Variants in ZNF678 observed in about 807,000 individuals in gnomAD.
ZNF678 encodes the protein hypothetical protein MGC42493.
A neutral mutation model predicts 3.0 loss-of-function variants in ZNF678; 5 were observed. The ratio of observed to expected loss-of-function variants is 1.69; its 90% CI spans 0.88 to 3.56. ZNF678 has a LOEUF of 3.56. Ranked by LOEUF, ZNF678 falls within the 30% of genes most tolerant of loss-of-function variation. ZNF678 has a pLI of 0.00. For synonymous variants in ZNF678, 218 were observed against 199.6 expected (o/e 1.09, Z -0.78); for missense variants, 593 against 605.0 (o/e 0.98, Z 0.21).
At position 227,658,473 on chromosome 1, in the gene ZNF678, G is replaced by A. The variant is rs1236926635; in HGVS notation, c.*2645G>A. On this transcript the variant is annotated 3_prime_UTR_variant, in exon 4 of 4. Coordinates refer to ENST00000343776, the MANE Select transcript of ZNF678 (RefSeq NM_001367909.1). ...ACATGTATACCCAGGCTGTACAACT[G>A]CCTCTGAAATTAAGAGGAATTGTGT... The A allele has an allele frequency of 2.0e-5, 3 of 152,004 alleles. No individual in the cohort carries two copies. The East Asian group carries it at 5.8e-4, about 29-fold the overall frequency. The allele number at this position is 152,004 out of a possible 1,614,324, so 9.4% of individuals were successfully genotyped here. A position where few individuals can be genotyped will look rare whatever the true frequency, so the allele number is the denominator to read the frequency against.
chr1:227,563,831 T>C (rs1656596653), intron 1 of ZNF678, 107 bp downstream of exon 1: 3 of 1,098,388 alleles, frequency 2.7e-6, no homozygotes, highest in Non-Finnish European at 3.7e-6. Context: ...ATCTGTCACC[T>C]CTGGGTAGGG....
intron 1 of ZNF678, among the ~76,000 whole-genome samples, chr1:227,597,472 C>T (rs551404747): frequency 3.3e-5 from 5 of 152,162 alleles, no homozygotes; most frequent in South Asian, 4.1e-4. Context: ...ATAAAACATG[C>T]GTTTTAGAAT....
At position 227,650,941 on chromosome 1, in the gene ZNF678, A is replaced by G; in HGVS notation, c.-36-15A>G. 1 of 1,535,804 alleles carries G rather than the reference A, an allele frequency of 6.5e-7. No individual in the cohort carries two copies. The highest frequency in any genetic ancestry group is 8.8e-7 in the Non-Finnish European group (1 of 1,138,508). On this transcript the variant is annotated splice_polypyrimidine_tract_variant and intron_variant, in intron 2 of 3. Transcript: ENST00000343776. ...TGGCTTTTAAAAAATTTTCTTGCCT[A>G]ATTGTTCTGTCTAGGACTTCCAGGA...
chr1:227,646,435 G>C (rs780413707), intron 1 of ZNF678, 109 bp from the exon 2 acceptor site: 1 of 1,071,092 alleles, frequency 9.3e-7, no homozygotes, highest in Non-Finnish European at 1.3e-6. Context: ...TGTCTTACTG[G>C]ACAGTTTCTG....
Position 227,656,330 on chromosome 1 carries a change from G to C in ZNF678, c.*502G>C, listed in dbSNP as rs1400884277. On this transcript the variant is annotated 3_prime_UTR_variant, in exon 4 of 4. Transcript: ENST00000343776. ...CAAAGTTAAAATAGATAATTTAGTT[G>C]TATGTAAATTTAAATGAATCAAGAG... 1.3e-5 allele frequency: 2 copies of C among 151,854 alleles called. No individual in the cohort carries two copies. The highest frequency in any genetic ancestry group is 2.9e-5 in the Non-Finnish European group (2 of 67,828). 9.4% of individuals were successfully genotyped at this position (151,854 alleles called of 1,614,324 possible). A position where few individuals can be genotyped will look rare whatever the true frequency, so the allele number is the denominator to read the frequency against.
chr1:227,572,383 G>A (rs1656870060), intron 1 of ZNF678, among the ~76,000 whole-genome samples: 1 of 152,226 alleles, frequency 6.6e-6, no homozygotes, highest in African/African-American at 2.4e-5. Context: ...CCTCAGCAGT[G>A]CTGTACTGTT....
At position 227,660,502 on chromosome 1, in the gene ZNF678, A is replaced by C. The variant is rs934253112; in HGVS notation, c.*4674A>C. On this transcript the variant is annotated 3_prime_UTR_variant, in exon 4 of 4. Coordinates refer to ENST00000343776, the MANE Select transcript of ZNF678 (RefSeq NM_001367909.1). ...CTTTCTGTAACTATTGCAGGTGTCA[A>C]TTGTTTTCTTTATTTCTTTTTCAGA... The C allele has an allele frequency of 6.6e-6, 1 of 151,920 alleles. No individual in the cohort carries two copies. Among genetic ancestry groups the C allele is most frequent in the Non-Finnish European group, 1.5e-5 (1 of 67,948 alleles). 9.4% of individuals were successfully genotyped at this position (151,920 alleles called of 1,614,324 possible). A position where few individuals can be genotyped will look rare whatever the true frequency, so the allele number is the denominator to read the frequency against.
intron 1 of ZNF678, 88 bp from the exon 2 acceptor site, chr1:227,646,455 GT>G: frequency 7.9e-7 from 1 of 1,265,308 alleles, no homozygotes; most frequent in Non-Finnish European, 1.1e-6. Context: ...GCCAGAACAA[GT>G]TCACTTTACT....
chr1:227,648,361 A>C (rs1659008897), intron 2 of ZNF678, among the ~76,000 whole-genome samples: 1 of 152,192 alleles, frequency 6.6e-6, no homozygotes. Flanking sequence ...CTCTTTTACA[A>C]ATAAAAATTA....
chr1:227,650,486 A>G (rs1659064261), intron 2 of ZNF678, among the ~76,000 whole-genome samples: 1 of 152,128 alleles, frequency 6.6e-6, no homozygotes, highest in African/African-American at 2.4e-5. Flanking sequence ...GTAATGCTAT[A>G]TAAATTTTAA....
At chr1:227,609,256 C>CT (rs1424190692) in intron 1 of ZNF678, among the ~76,000 whole-genome samples, 1 of 151,756 alleles carries the variant, frequency 6.6e-6, no homozygotes, top group Non-Finnish European at 1.5e-5. Context: ...GAAAAACAAA[C>CT]TTTATAAGCC....
chr1:227,633,618 A>G (rs1341007758), intron 1 of ZNF678, among the ~76,000 whole-genome samples: 8 of 152,206 alleles, frequency 5.3e-5, no homozygotes, highest in Non-Finnish European at 8.8e-5. Flanking sequence ...CTGTTACAGC[A>G]GAAAACAAAA....
At chr1:227,573,843 G>C (rs1032975899) in intron 1 of ZNF678, among the ~76,000 whole-genome samples, 174 of 152,206 alleles carry the variant, frequency 1.1e-3, no homozygotes, top group African/African-American at 3.9e-3. Context: ...CATCAGATAA[G>C]TCCCAGTGTC....
rs373572260 is a variant in ZNF678, at chr1:227,655,227, G to A, written c.977G>A (p.Cys326Tyr). ...TGEKPYQCEE[C>Y]GKTFNRCSHL... ...GAAAAACCCTACCAATGTGAAGAAT[G>A]TGGCAAAACTTTTAATCGGTGTTCA... The change falls in exon 4 of 4, where the codon TGT (cysteine) becomes TAT (tyrosine). Residue 326 changes from cysteine to tyrosine, a missense_variant. Coordinates refer to ENST00000343776, the MANE Select transcript of ZNF678 (RefSeq NM_001367909.1). 1.2e-6 allele frequency: 2 copies of A among 1,612,612 alleles called. No individual in the cohort carries two copies. The highest frequency in any genetic ancestry group is 4.5e-5 in the East Asian group (2 of 44,754).
chr1:227,575,117 C>G (rs989854452), intron 1 of ZNF678, among the ~76,000 whole-genome samples: 1 of 152,036 alleles, frequency 6.6e-6, no homozygotes, highest in Non-Finnish European at 1.5e-5. Context: ...TGTGTTTGTT[C>G]CAATACCATG....
intron 1 of ZNF678, among the ~76,000 whole-genome samples, chr1:227,573,578 A>G (rs1041298940): frequency 2.6e-5 from 4 of 152,222 alleles, no homozygotes; most frequent in Non-Finnish European, 4.4e-5. Context: ...GACTCACACA[A>G]ATGGTCCACA....
At chr1:227,673,759 T>C (rs989447829) in intron 5 of ZNF678, among the ~76,000 whole-genome samples, 8 of 152,294 alleles carry the variant, frequency 5.3e-5, no homozygotes, top group African/African-American at 1.9e-4. Flanking sequence ...TACTGCCTAT[T>C]TGGAAAATAT....
intron 1 of ZNF678, among the ~76,000 whole-genome samples, chr1:227,564,150 G>A (rs1656609645): frequency 6.6e-6 from 1 of 152,200 alleles, no homozygotes; most frequent in African/African-American, 2.4e-5. Flanking sequence ...TATGGTGTGT[G>A]GCTTGTGGGT....
chr1:227,630,137 A>T (rs1016014236), intron 1 of ZNF678, among the ~76,000 whole-genome samples: 4 of 152,212 alleles, frequency 2.6e-5, no homozygotes, highest in Admixed American at 2.6e-4. Flanking sequence ...TTGGCCTTCA[A>T]TAGAGTCAGG....
Sources: allele counts gnomAD v4.1 joint callset (sites outside exome capture counted in the v4.1 genomes callset), GRCh38; gene constraint gnomAD v4.1.1; transcripts MANE v1.5; gene names NCBI Gene and HGNC (gene_info 2026-07-23, HGNC 2026-07-21).